Variants in BLM observed in about 807,000 individuals in gnomAD.
BLM encodes BLM RecQ like helicase.
In BLM, 95 loss-of-function variants were observed where a neutral mutation model predicts 135.3. The ratio of observed to expected loss-of-function variants is 0.70; its 90% confidence interval spans 0.59 to 0.83. The LOEUF is 0.83. Ranked by LOEUF, BLM falls within the 40% of genes least tolerant of loss-of-function variation. BLM has a pLI of 0.00. For missense variants in BLM, 1,518 were observed against 1,663.9 expected (o/e 0.91, Z 1.53); for synonymous variants, 520 against 589.2 (o/e 0.88, Z 1.70).
rs2151152365 is a variant in BLM at position 90,754,949 on chromosome 15, T to C, written c.1087+11T>C. On this transcript the variant is annotated intron_variant, in intron 5 of 21. Coordinates refer to ENST00000355112, the MANE Select transcript of BLM (RefSeq NM_000057.4). ...GCACAGACTGTGACGGTACAAGCAATATTTTAGACATACCATGTATTTCAA... is the reference window on the plus strand; with the variant it reads ...GCACAGACTGTGACGGTACAAGCAACATTTTAGACATACCATGTATTTCAA... 6 of 1,613,552 alleles carry C rather than the reference T, an allele frequency of 3.7e-6. No individual in the cohort carries two copies. The highest frequency in any genetic ancestry group is 5.1e-6 in the Non-Finnish European group (6 of 1,179,880).
chr15:90,739,938 T>G (rs1895320704), intron 1 of BLM, among the ~76,000 whole-genome samples: 1 of 152,002 alleles, frequency 6.6e-6, no homozygotes. Context: ...TAATCTTTTG[T>G]ATTTTTTGTA....
chr15:90,797,451 A>G (rs8031049), intron 16 of BLM, among the ~76,000 whole-genome samples: 24,473 of 147,464 alleles, frequency 0.17, 2,186 homozygotes, highest in Non-Finnish European at 0.19. Context: ...AAAAATTAAG[A>G]TAGGAATGGA....
chr15:90,796,940 T>C (rs1263459951), intron 16 of BLM, among the ~76,000 whole-genome samples: 1 of 151,930 alleles, frequency 6.6e-6, no homozygotes, highest in East Asian at 1.9e-4. Context: ...TACCACATGG[T>C]ATGAGTTGGA....
At chr15:90,765,173 A>G (rs765814110) in intron 8 of BLM, 123 bp from the exon 9 acceptor site, 17 of 799,744 alleles carry the variant, frequency 2.1e-5, no homozygotes, top group Non-Finnish European at 3.3e-5. Context: ...GAGTATGGCA[A>G]ATTGTTGGCA....
At chr15:90,725,156 G>A (rs1056161814) in intron 1 of BLM, among the ~76,000 whole-genome samples, 35 of 152,074 alleles carry the variant, frequency 2.3e-4, no homozygotes, top group African/African-American at 8.0e-4. Flanking sequence ...TGATCTGCCC[G>A]TCTCGGCCTC....
At chr15:90,805,166 T>G (rs1897261437) in intron 19 of BLM, among the ~76,000 whole-genome samples, 1 of 151,890 alleles carries the variant, frequency 6.6e-6, no homozygotes, top group African/African-American at 2.4e-5. Flanking sequence ...TAAGGACATC[T>G]GAAGACCATT....
At chr15:90,782,967 A>T (rs748049390) in intron 13 of BLM, 39 bp downstream of exon 13, 2 of 1,494,272 alleles carry the variant, frequency 1.3e-6, no homozygotes, top group Admixed American at 3.4e-5. Flanking sequence ...AGAAGTAACA[A>T]ATGTCTTTTT....
intron 5 of BLM, 133 bp from the exon 6 acceptor site, chr15:90,760,014 T>G (rs1334561063): frequency 1.4e-6 from 1 of 728,430 alleles, no homozygotes; most frequent in South Asian, 1.5e-5. Context: ...GGTCTTGAAC[T>G]CCTGGACTTA....
chr15:90,735,465 A>G (rs1003693732), intron 1 of BLM, among the ~76,000 whole-genome samples: 4 of 152,008 alleles, frequency 2.6e-5, no homozygotes, highest in Middle Eastern at 3.4e-3. Context: ...CAAAGCTTCT[A>G]TCATGATAAT....
chr15:90,791,994 TAGAATTTTATTACA>T (rs1896915659), intron 15 of BLM, among the ~76,000 whole-genome samples: 1 of 152,206 alleles, frequency 6.6e-6, no homozygotes. Context: ...ATACATATTT[TAGAATTTTATTACA>T]TTCTTTGCTC....
intron 19 of BLM, among the ~76,000 whole-genome samples, chr15:90,806,510 CA>C (rs3079983): frequency 0.019 from 2,144 of 113,384 alleles, 43 homozygotes; most frequent in African/African-American, 0.077. Context: ...GACTCCATCT[CA>C]AAAAAAAAAA....
At position 90,760,273 on chromosome 15, in the gene BLM, A is replaced by G. The variant is rs752223894; in HGVS notation, c.1214A>G (p.Asn405Ser). The G allele has an allele frequency of 1.2e-6, 2 of 1,614,118 alleles. No homozygotes were observed. Among genetic ancestry groups the G allele is most frequent in the Non-Finnish European group, 1.7e-6 (2 of 1,180,014 alleles). The change falls in exon 6 of 22, where the codon AAC becomes AGC. Residue 405 changes from asparagine to serine, a missense_variant. Physicochemically the swap from Asn to Ser is conservative, Grantham distance 46 (BLOSUM62 1). Around this residue, in one of 5 missense-constraint regions of BLM, gnomAD observed 724 missense variants for 756.9 expected, o/e 0.96. Coordinates refer to ENST00000355112, the MANE Select transcript of BLM (RefSeq NM_000057.4). Reference protein sequence around the residue: ...DCGNELLQQRNIRRKLLTEVD... With the variant: ...DCGNELLQQRSIRRKLLTEVD... ...GGGAACGAACTGCTTCAGCAGCGGA[A>G]CATAAGGTATCTTAATTTTCCCCCT...
At chr15:90,784,481 C>T (rs1332096627) in intron 13 of BLM, among the ~76,000 whole-genome samples, 3 of 151,556 alleles carry the variant, frequency 2.0e-5, no homozygotes, top group Non-Finnish European at 4.4e-5. Context: ...TACAGGTGCC[C>T]ACCACCACAC....
In BLM at chr15:90,749,450, G is replaced by C. The variant is rs1060500644; in HGVS notation, c.182G>C (p.Arg61Thr). 3 of 1,611,948 alleles carry C rather than the reference G, an allele frequency of 1.9e-6. No homozygotes were observed. Among genetic ancestry groups the C allele is most frequent in the Middle Eastern group, 1.7e-4 (1 of 6,058 alleles). The change falls in exon 3 of 22, where the codon AGA becomes ACA. Residue 61 changes from arginine (R) to threonine (T), a missense_variant. Arg to Thr is a moderately conservative substitution (Grantham distance 71, BLOSUM62 -1). Transcript: ENST00000355112. ...NVSVAKTPVL[R>T]NKDVNVTEDF... ...TCAGTAGCAAAAACACCTGTATTAAGAAATAAAGATGTTAATGTTACCGAA... is the reference window on the plus strand; with the variant it reads ...TCAGTAGCAAAAACACCTGTATTAACAAATAAAGATGTTAATGTTACCGAA...
chr15:90,789,987 G>GTTTTTTTTTTGTTTTTTTTTTT (rs1896857678), intron 14 of BLM, among the ~76,000 whole-genome samples: 7 of 57,356 alleles, frequency 1.2e-4, no homozygotes, highest in African/African-American at 3.2e-4. Context: ...AGTCCCTGGT[G>GTTTTTTTTTTGTTTTTTTTTTT]TTTTTTTTTT....
chr15:90,755,553 G>A (rs540185517), intron 5 of BLM, among the ~76,000 whole-genome samples: 52 of 151,962 alleles, frequency 3.4e-4, no homozygotes, highest in African/African-American at 1.1e-3. Flanking sequence ...TTTGATAAAC[G>A]ACAGTCCCCC....
rs1596223833 is a variant in BLM at position 90,754,866 on chromosome 15, A to G, written c.1015A>G (p.Lys339Glu). 1 of 1,614,018 alleles carries G rather than the reference A, an allele frequency of 6.2e-7. No homozygotes were observed. Among genetic ancestry groups the G allele is most frequent in the South Asian group, 1.1e-5 (1 of 91,074 alleles). Residue 339 changes from lysine (K) to glutamate (E), a missense_variant, in exon 5 of 22, where the codon AAA becomes GAA. By Grantham distance (56) the Lys-to-Glu change is moderately conservative. Around this residue, in one of 5 missense-constraint regions of BLM, gnomAD observed 724 missense variants for 756.9 expected, o/e 0.96. Transcript: ENST00000355112. ...AAAAGAGGATGTTCTTAGCACATCAAAAGATCTTTTGTCAAAACCTGAGAA... is the reference window on the plus strand; with the variant it reads ...AAAAGAGGATGTTCTTAGCACATCAGAAGATCTTTTGTCAAAACCTGAGAA... ...DRKEDVLSTSKDLLSKPEKMS... is the reference protein window; with the variant it reads ...DRKEDVLSTSEDLLSKPEKMS...
intron 4 of BLM, among the ~76,000 whole-genome samples, chr15:90,753,615 G>T (rs1895744074): frequency 6.6e-6 from 1 of 152,148 alleles, no homozygotes; most frequent in Non-Finnish European, 1.5e-5. Flanking sequence ...AACTGAAATA[G>T]AATTTTCACA....
intron 19 of BLM, among the ~76,000 whole-genome samples, chr15:90,807,506 C>A (rs143751033): frequency 6.6e-6 from 1 of 152,188 alleles, no homozygotes; most frequent in Non-Finnish European, 1.5e-5. Flanking sequence ...CTCAAGTGAT[C>A]CTCCTACCCC....
Sources: allele counts gnomAD v4.1 joint callset (sites outside exome capture counted in the v4.1 genomes callset), GRCh38; gene constraint gnomAD v4.1.1; regional missense constraint gnomAD v4.1.1; transcripts MANE v1.5; gene names NCBI Gene and HGNC (gene_info 2026-07-23, HGNC 2026-07-21).